Variants in SLC6A16 observed in about 807,000 individuals in gnomAD.
SLC6A16 encodes the protein solute carrier family 6 member 16.
A neutral mutation model predicts 65.4 loss-of-function variants in SLC6A16; 54 were observed. The ratio of observed to expected loss-of-function variants is 0.83; its 90% CI spans 0.66 to 1.04. The LOEUF (loss-of-function observed/expected upper bound fraction) is 1.04. SLC6A16 is among the 50% of genes least tolerant of loss of function. SLC6A16 has a pLI of 0.00. For missense variants in SLC6A16, 816 were observed against 914.0 expected (o/e 0.89, Z 1.38); for synonymous variants, 330 against 346.5 (o/e 0.95, Z 0.53).
chr19:49,336,887 T>C, the SLC6A16 span: 1 of 1,613,068 alleles, frequency 6.2e-7, no homozygotes, highest in Non-Finnish European at 8.5e-7. Flanking sequence ...CAGCTCATCA[T>C]CACTCCCCTC....
At chr19:49,325,666 T>G (rs1338597425), upstream of SLC6A16, among the ~76,000 whole-genome samples, 4 of 152,164 alleles carry the variant, frequency 2.6e-5, no homozygotes, top group African/African-American at 4.8e-5. Context: ...AAGATTTACT[T>G]AGGTCATCCG....
At position 49,310,965 on chromosome 19, in the gene SLC6A16, C is replaced by T. The variant is rs758366362; in HGVS notation, c.383G>A (p.Arg128His). ...GFSMKPSCLW[R>H]FAYLWLNSGG... The stretch of plus-strand genomic sequence containing the variant: ...ACTGTTAAGCCACAGGTAGGCAAAG[C>T]GCCAGAGACAAGATGGCTTCATAGA... The change falls in exon 2 of 12, where the codon CGC (arginine) becomes CAC (histidine). Residue 128 changes from arginine to histidine, a missense_variant. Physicochemically the swap from Arg to His is conservative, Grantham distance 29 (BLOSUM62 0). Coordinates refer to ENST00000335875, the MANE Select transcript of SLC6A16 (RefSeq NM_014037.3). 9.9e-6 allele frequency: 16 copies of T among 1,613,822 alleles called. No individual in the cohort carries two copies. The highest frequency in any genetic ancestry group is 1.4e-5 in the Non-Finnish European group (16 of 1,179,868).
In SLC6A16 at chr19:49,309,393, G is replaced by A; in HGVS notation, c.895C>T (p.Leu299=). 1 of 1,613,688 alleles carries A rather than the reference G, an allele frequency of 6.2e-7. No homozygotes were observed. Among genetic ancestry groups the A allele is most frequent in the Non-Finnish European group, 8.5e-7 (1 of 1,179,622 alleles). The part of the protein sequence containing the change: ...STGKVIYVLV[L]LPCFIIVGFF... Reference sequence around the variant, plus strand: ...CCGACAATGATGAAACAGGGGAGCAGTACCAAGACATAGATTACCTGAATC... The same window carrying A: ...CCGACAATGATGAAACAGGGGAGCAATACCAAGACATAGATTACCTGAATC... The change falls in exon 6 of 12, where the codon CTG becomes TTG. Residue 299 remains leucine, a synonymous_variant. Transcript: ENST00000335875.
Position 49,313,964 on chromosome 19 carries a change from C to G in SLC6A16, c.-64-2553G>C, listed in dbSNP as rs368404403. ...ACAAAAAATTAGCCAGGCACAGTGGCGGGCGCCTGTAGTCCCAGCTACTCA... is the reference window on the plus strand; with the variant it reads ...ACAAAAAATTAGCCAGGCACAGTGGGGGGCGCCTGTAGTCCCAGCTACTCA... On this transcript the variant is annotated intron_variant, in intron 1 of 11. Coordinates refer to ENST00000335875, the MANE Select transcript of SLC6A16 (RefSeq NM_014037.3). Among the ~76,000 whole-genome samples the G allele has an allele frequency of 1.9e-4, 29 of 151,996 alleles. 1 individual carries two copies. The highest frequency in any genetic ancestry group is 9.8e-4 in the Admixed American group (15 of 15,258).
upstream of SLC6A16, among the ~76,000 whole-genome samples, chr19:49,329,863 G>A (rs991924364): frequency 7.2e-5 from 11 of 152,008 alleles, no homozygotes; most frequent in African/African-American, 1.7e-4. Flanking sequence ...TCGATCTCCT[G>A]AACTCGTGAT....
the SLC6A16 span, chr19:49,338,956 A>T: frequency 1.3e-6 from 2 of 1,590,580 alleles, no homozygotes; most frequent in African/African-American, 1.3e-5. This position sits in a 1 kb window ranked among gnomAD's most constrained non-coding sequence, Gnocchi z 5.0. Flanking sequence ...GGTTCGGAGC[A>T]TAAACCTGTC....
intron 7 of SLC6A16, among the ~76,000 whole-genome samples, chr19:49,296,214 G>A (rs1037705230): frequency 2.6e-5 from 4 of 151,986 alleles, no homozygotes; most frequent in Admixed American, 2.0e-4. Flanking sequence ...CTCAAACTCC[G>A]GACTTCAGGT....
rs5828385 is a variant in SLC6A16, at chr19:49,313,072, C to CAA, written c.-64-1663_-64-1662dup. Among the ~76,000 whole-genome samples the CAA allele has an allele frequency of 1.0e-3, 100 of 95,420 alleles. 1 individual carries two copies. Among genetic ancestry groups the CAA allele is most frequent in the African/African-American group, 2.3e-3 (44 of 18,936 alleles). 62.6% of individuals were successfully genotyped at this position (95,420 alleles called of 152,430 possible). On this transcript the variant is annotated intron_variant, in intron 1 of 11. Transcript: ENST00000335875. ...CACTCCAGCCTGGGCAACCCTGTCT[C>CAA]AAAAAAAAAAAAAAAAAAAAAAAGA...
chr19:49,335,855 T>C, the SLC6A16 span: 1 of 1,273,992 alleles, frequency 7.8e-7, no homozygotes, highest in East Asian at 2.3e-5. The surrounding 1 kb of genome is among the most constrained non-coding windows in gnomAD (Gnocchi z 4.6). Context: ...CTCCCTTGTC[T>C]CAGGGAGACC....
intron 1 of SLC6A16, among the ~76,000 whole-genome samples, chr19:49,315,011 A>C (rs1268696753): frequency 6.6e-6 from 1 of 151,196 alleles, no homozygotes; most frequent in African/African-American, 2.4e-5. Flanking sequence ...CAATCTCCAA[A>C]CTTACCCACA....
chr19:49,335,070 T>TG, the SLC6A16 span: 1 of 160,288 alleles, frequency 6.2e-6, no homozygotes, highest in African/African-American at 2.4e-5. This position sits in a 1 kb window ranked among gnomAD's most constrained non-coding sequence, Gnocchi z 4.6. Context: ...GGGCAGGAAA[T>TG]GGGAGACACA....
chr19:49,326,188 AAAG>A (rs1347239579), upstream of SLC6A16, among the ~76,000 whole-genome samples: 1 of 152,072 alleles, frequency 6.6e-6, no homozygotes, highest in Non-Finnish European at 1.5e-5. Flanking sequence ...AAAGGAAAAA[AAAG>A]AAAAAATTTG....
Position 49,293,811 on chromosome 19 carries a change from G to A in SLC6A16, c.1618+16C>T. 1 of 1,608,830 alleles carries A rather than the reference G, an allele frequency of 6.2e-7. No homozygotes were observed. The highest frequency in any genetic ancestry group is 1.3e-5 in the African/African-American group (1 of 74,908). ...GGTCAGGGTCATTGTTAGGAGTAGGGCCTAGGTCAGAGTACCTATGAGCAG... is the reference window on the plus strand; with the variant it reads ...GGTCAGGGTCATTGTTAGGAGTAGGACCTAGGTCAGAGTACCTATGAGCAG... On this transcript the variant is annotated intron_variant, in intron 9 of 11. Coordinates refer to ENST00000335875, the MANE Select transcript of SLC6A16 (RefSeq NM_014037.3).
chr19:49,339,622 G>A, the SLC6A16 span: 2 of 1,433,170 alleles, frequency 1.4e-6, no homozygotes, highest in Admixed American at 2.9e-5. This position sits in a 1 kb window ranked among gnomAD's most constrained non-coding sequence, Gnocchi z 4.5. Context: ...AAAGCCTCCT[G>A]CTATTGGCTG....
At chr19:49,295,310 G>A (rs1043279036) in intron 7 of SLC6A16, among the ~76,000 whole-genome samples, 10 of 151,846 alleles carry the variant, frequency 6.6e-5, no homozygotes, top group African/African-American at 2.4e-4. Flanking sequence ...AACCTGGGAG[G>A]CAGAGGTTGC....
chr19:49,308,668 T>C, intron 7 of SLC6A16: 1 of 617,740 alleles, frequency 1.6e-6, no homozygotes, highest in South Asian at 2.0e-5. Flanking sequence ...AAGATTTATT[T>C]CTAGGGTGAC....
the SLC6A16 span, among the ~76,000 whole-genome samples, chr19:49,334,441 C>T: frequency 2.0e-5 from 3 of 151,992 alleles, no homozygotes; most frequent in African/African-American, 7.3e-5. Flanking sequence ...GAGCTATGAT[C>T]GCACTACTGC....
At chr19:49,338,141 C>T in the SLC6A16 span, 3 of 1,480,644 alleles carry the variant, frequency 2.0e-6, no homozygotes, top group Non-Finnish European at 1.8e-6. The surrounding 1 kb of genome is among the most constrained non-coding windows in gnomAD (Gnocchi z 5.0). Context: ...CCTAACACAC[C>T]CCAATCCCTC....
the SLC6A16 span, chr19:49,340,025 T>TA: frequency 1.4e-6 from 2 of 1,480,274 alleles, no homozygotes; most frequent in Non-Finnish European, 1.8e-6. Context: ...GCTTCCGACC[T>TA]TACTCCTTCT....
Sources: gnomAD v4.1 joint callset for allele counts (sites outside exome capture counted in the v4.1 genomes callset) on GRCh38, gnomAD v4.1.1 for gene constraint, Gnocchi (gnomAD v3.1) non-coding constraint, MANE v1.5 for transcripts, NCBI Gene and HGNC (gene_info 2026-07-23, HGNC 2026-07-21) for gene names.